The following C1GALT1 variants were observed in gnomAD, a reference collection of about 807,000 sequenced individuals.
C1GALT1 encodes the protein core 1 synthase, glycoprotein-N-acetylgalactosamine 3-beta-galactosyltransferase 1, also known as glycoprotein-N-acetylgalactosamine 3-beta-galactosyltransferase 1.
In C1GALT1, 11 loss-of-function variants were observed where a neutral mutation model predicts 31.0. The observed-to-expected ratio is 0.36, with a 90% confidence interval of 0.22 to 0.59. C1GALT1 has a LOEUF of 0.59. C1GALT1 is among the 20% of genes least tolerant of loss of function. The pLI is 0.79. For missense variants in C1GALT1, 424 were observed against 425.2 expected (o/e 1.00, Z 0.03); for synonymous variants, 175 against 143.6 (o/e 1.22, Z -1.56).
chr7:7,229,502 A>G (rs1035879485), intron 1 of C1GALT1, among the ~76,000 whole-genome samples: 13 of 152,152 alleles, frequency 8.5e-5, no homozygotes, highest in Non-Finnish European at 1.8e-4. Context: ...TCTATTGTAG[A>G]TTGTCTTGAT....
chr7:7,170,218 C>CT (rs1554287977), intron 2 of C1GALT1, among the ~76,000 whole-genome samples: 1 of 152,038 alleles, frequency 6.6e-6, no homozygotes, highest in Non-Finnish European at 1.5e-5. Flanking sequence ...AATTTGATTA[C>CT]TTTTTTTACA....
intron 2 of C1GALT1, among the ~76,000 whole-genome samples, chr7:7,159,795 C>G (rs918226090): frequency 6.6e-6 from 1 of 152,104 alleles, no homozygotes; most frequent in African/African-American, 2.4e-5. Context: ...TAATGTGATT[C>G]AATTCAAAGA....
intron 1 of C1GALT1, among the ~76,000 whole-genome samples, chr7:7,189,941 C>A (rs1040679961): frequency 6.6e-6 from 1 of 151,832 alleles, no homozygotes. Context: ...CCACCTTTTT[C>A]TTGATTTGAA....
chr7:7,240,735 T>A (rs1306603276), intron 3 of C1GALT1, among the ~76,000 whole-genome samples: 2 of 152,094 alleles, frequency 1.3e-5, no homozygotes, highest in Non-Finnish European at 2.9e-5. Context: ...AGTACCAAAA[T>A]TGACCCATCA....
At position 7,243,252 on chromosome 7, in the gene C1GALT1, C is replaced by T. The variant is rs6976197; in HGVS notation, c.889-272C>T. On this transcript the variant is annotated intron_variant, in intron 3 of 3. Coordinates refer to ENST00000436587, the MANE Select transcript of C1GALT1 (RefSeq NM_020156.5). The stretch of plus-strand genomic sequence containing the variant: ...TTGAAGAAATCTCAGTAATTTTATC[C>T]GCTAAAGAGTGTGAGAGAATATTGT... Among the ~76,000 whole-genome samples the T allele has an allele frequency of 6.8e-4, 103 of 152,190 alleles. 1 individual carries two copies. Among genetic ancestry groups the T allele is most frequent in the African/African-American group, 1.9e-3 (78 of 41,544 alleles).
intron 1 of C1GALT1, among the ~76,000 whole-genome samples, chr7:7,199,894 T>G (rs1781463482): frequency 6.6e-6 from 1 of 152,234 alleles, no homozygotes; most frequent in Non-Finnish European, 1.5e-5. Flanking sequence ...ATTTGCTTGT[T>G]AGATCTTCCT....
intron 1 of C1GALT1, among the ~76,000 whole-genome samples, chr7:7,218,538 G>A (rs1186604164): frequency 1.3e-5 from 2 of 152,082 alleles, no homozygotes; most frequent in African/African-American, 2.4e-5. Flanking sequence ...TGGGGGTGGG[G>A]GATGAATAAG....
intron 2 of C1GALT1, among the ~76,000 whole-genome samples, chr7:7,235,729 T>A (rs180736038): frequency 9.3e-4 from 141 of 152,316 alleles, no homozygotes; most frequent in African/African-American, 3.1e-3. Flanking sequence ...TCCTTTTCCT[T>A]CCTACTCCTA....
chr7:7,183,060 C>T (rs1029575822), intron 1 of C1GALT1, among the ~76,000 whole-genome samples: 1 of 152,158 alleles, frequency 6.6e-6, no homozygotes, highest in Non-Finnish European at 1.5e-5. Flanking sequence ...TACCCGGCCT[C>T]AATTTTGTGG....
upstream of C1GALT1, among the ~76,000 whole-genome samples, chr7:7,180,649 TA>T (rs1372926337): frequency 2.6e-5 from 4 of 152,266 alleles, no homozygotes; most frequent in African/African-American, 9.6e-5. Flanking sequence ...TATATTATGG[TA>T]TTTGGACAGA....
At chr7:7,183,804 C>T (rs980948905) in intron 1 of C1GALT1, among the ~76,000 whole-genome samples, 1 of 151,926 alleles carries the variant, frequency 6.6e-6, no homozygotes, top group African/African-American at 2.4e-5. Flanking sequence ...TTCCTTTTAA[C>T]GCTTTTTTAA....
intron 1 of C1GALT1, among the ~76,000 whole-genome samples, chr7:7,210,852 A>T (rs971270693): frequency 6.6e-6 from 1 of 152,246 alleles, no homozygotes; most frequent in African/African-American, 2.4e-5. Context: ...CCTGGCTTTA[A>T]CAGCCGTGGC....
At chr7:7,173,623 C>T (rs917502225) in intron 2 of C1GALT1, among the ~76,000 whole-genome samples, 3 of 152,202 alleles carry the variant, frequency 2.0e-5, no homozygotes, top group African/African-American at 4.8e-5. Context: ...ACAGACTGGA[C>T]TGGGCACAAT....
intron 1 of C1GALT1, among the ~76,000 whole-genome samples, chr7:7,204,200 C>T (rs1781642295): frequency 6.7e-6 from 1 of 149,638 alleles, no homozygotes; most frequent in East Asian, 2.0e-4. Flanking sequence ...GTGAAGCCAT[C>T]ATGTCCAGGG....
Position 7,234,606 on chromosome 7 carries a change from T to C in C1GALT1, c.220+67T>C, listed in dbSNP as rs746864136. ...TAGTCTAAATTTTGTCATATTCCTG[T>C]CTGTATCTGTTAATTAAAATGGGCT... On this transcript the variant is annotated intron_variant, in intron 2 of 3. Coordinates refer to ENST00000436587, the MANE Select transcript of C1GALT1 (RefSeq NM_020156.5). The C allele has an allele frequency of 9.4e-6, 11 of 1,167,518 alleles. No individual in the cohort carries two copies. In the South Asian group the frequency reaches 1.4e-4, roughly 15 times the overall value. 72.3% of individuals were successfully genotyped at this position (1,167,518 alleles called of 1,614,324 possible).
chr7:7,238,526 G>A lies in C1GALT1; in HGVS notation c.492G>A (p.Trp164Ter). ...AACATTATTTAGAAGATGCTGATTG[G>A]TTTTTGAAAGCAGATGATGACACGT... ...VHEHYLEDAD[W>*]FLKADDDTYV... is the part of the protein sequence containing the mutation. The change falls in exon 3 of 4, where the codon TGG becomes TGA. Residue 164 changes from tryptophan (W) to a stop codon, truncating the protein, a stop_gained. Coordinates refer to ENST00000436587, the MANE Select transcript of C1GALT1 (RefSeq NM_020156.5). LOFTEE classifies it high-confidence loss of function. The surrounding 1 kb of genome is among the most constrained non-coding windows in gnomAD (Gnocchi z 5.2). 1 of 1,614,094 alleles carries A rather than the reference G, an allele frequency of 6.2e-7. No individual in the cohort carries two copies. Among genetic ancestry groups the A allele is most frequent in the Non-Finnish European group, 8.5e-7 (1 of 1,179,974 alleles).
At chr7:7,229,261 C>A (rs952539554) in intron 1 of C1GALT1, among the ~76,000 whole-genome samples, 2 of 152,092 alleles carry the variant, frequency 1.3e-5, no homozygotes, top group African/African-American at 4.8e-5. Flanking sequence ...AAAATCACAG[C>A]TAGGACAAAA....
chr7:7,238,441 C>G lies in C1GALT1; in HGVS notation c.407C>G (p.Thr136Ser), dbSNP rs1783468378. 4 of 1,613,818 alleles carry G rather than the reference C, an allele frequency of 2.5e-6. No homozygotes were observed. Among genetic ancestry groups the G allele is most frequent in the Non-Finnish European group, 3.4e-6 (4 of 1,179,934 alleles). The change falls in exon 3 of 4, where the codon ACC (threonine) becomes AGC (serine). Residue 136 changes from threonine to serine, a missense_variant. Physicochemically the swap from Thr to Ser is moderately conservative, Grantham distance 58. Coordinates refer to ENST00000436587, the MANE Select transcript of C1GALT1 (RefSeq NM_020156.5). This position sits in a 1 kb window ranked among gnomAD's most constrained non-coding sequence, Gnocchi z 5.2. ...GACTTCCCTGCTGTGGGACTGAAAA[C>G]CAAAGAAGGCAGAGATCAACTATAC... ...NKDFPAVGLK[T>S]KEGRDQLYWK...
intron 2 of C1GALT1, among the ~76,000 whole-genome samples, chr7:7,176,214 T>C (rs1167324305): frequency 6.6e-6 from 1 of 152,104 alleles, no homozygotes; most frequent in Admixed American, 6.6e-5. Flanking sequence ...TGCTTCTCTA[T>C]GGAGGATGAA....
Sources: gnomAD v4.1 joint callset for allele counts (sites outside exome capture counted in the v4.1 genomes callset) on GRCh38, gnomAD v4.1.1 for gene constraint, Gnocchi (gnomAD v3.1) non-coding constraint, MANE v1.5 for transcripts, NCBI Gene and HGNC (gene_info 2026-07-23, HGNC 2026-07-21) for gene names.